KHDRBS2: variants seen among roughly 807,000 people sequenced by gnomAD.
KHDRBS2 encodes the protein KH RNA binding domain containing, signal transduction associated 2, also known as KH domain-containing, RNA-binding, signal transduction-associated protein 2.
KHDRBS2 carries 26 observed loss-of-function variants against 44.3 expected under a neutral mutation model. The observed-to-expected ratio is 0.59, with a 90% CI of 0.43 to 0.81. KHDRBS2 has a LOEUF of 0.81. Ranked by LOEUF, KHDRBS2 falls within the 40% of genes least tolerant of loss-of-function variation. The probability of loss-of-function intolerance (pLI) is 0.00; values close to 1 mark genes in which losing one functional copy is unlikely to be tolerated. For synonymous variants in KHDRBS2, 194 were observed against 151.1 expected (o/e 1.28, Z -2.08); for missense variants, 476 against 433.1 (o/e 1.10, Z -0.88).
intron 8 of KHDRBS2, among the ~76,000 whole-genome samples, chr6:61,691,720 A>G (rs551087496): frequency 1.3e-4 from 20 of 152,214 alleles, no homozygotes; most frequent in Admixed American, 1.2e-3. Flanking sequence ...GGCTGCCACA[A>G]CTGCCAGTTA....
chr6:61,866,239 G>T (rs550718439), intron 6 of KHDRBS2, among the ~76,000 whole-genome samples: 2 of 152,306 alleles, frequency 1.3e-5, no homozygotes, highest in South Asian at 4.1e-4. Context: ...GGACATTCAG[G>T]AGTTTCCATA....
At chr6:61,826,984 CA>C (rs973195456) in intron 6 of KHDRBS2, among the ~76,000 whole-genome samples, 1 of 152,060 alleles carries the variant, frequency 6.6e-6, no homozygotes, top group African/African-American at 2.4e-5. Context: ...ATAATTTTAG[CA>C]AGGAAATAAT....
intron 4 of KHDRBS2, among the ~76,000 whole-genome samples, chr6:61,972,247 A>G (rs1771586316): frequency 6.6e-6 from 1 of 152,090 alleles, no homozygotes; most frequent in Non-Finnish European, 1.5e-5. Flanking sequence ...CTGGATTTCA[A>G]TAATAATAAT....
chr6:61,739,956 C>A (rs563355439), intron 6 of KHDRBS2, among the ~76,000 whole-genome samples: 1 of 151,838 alleles, frequency 6.6e-6, no homozygotes, highest in African/African-American at 2.4e-5. Context: ...TTAATAATGA[C>A]TGTGTTTAAC....
chr6:61,799,044 G>A (rs1785832398), intron 6 of KHDRBS2, among the ~76,000 whole-genome samples: 1 of 151,968 alleles, frequency 6.6e-6, no homozygotes, highest in Non-Finnish European at 1.5e-5. Context: ...TGGACTTGAA[G>A]CATCTTCCAT....
chr6:61,908,402 A>G (rs1805421419), intron 4 of KHDRBS2, among the ~76,000 whole-genome samples: 1 of 152,088 alleles, frequency 6.6e-6, no homozygotes, highest in Admixed American at 6.5e-5. Flanking sequence ...TGGGAGGCCG[A>G]GGCGGGCAGA....
the KHDRBS2 span, among the ~76,000 whole-genome samples, chr6:61,647,396 G>A: frequency 2.6e-5 from 4 of 151,946 alleles, no homozygotes; most frequent in Non-Finnish European, 4.4e-5. Flanking sequence ...AAGAAACATG[G>A]TGTTTATGTA....
chr6:61,799,182 A>C (rs977385493), intron 6 of KHDRBS2, among the ~76,000 whole-genome samples: 1 of 152,070 alleles, frequency 6.6e-6, no homozygotes, highest in African/African-American at 2.4e-5. Flanking sequence ...TAAAAAACAA[A>C]AAAAGCATTA....
chr6:62,227,437 G>A (rs1219852174), intron 1 of KHDRBS2, among the ~76,000 whole-genome samples: 1 of 152,120 alleles, frequency 6.6e-6, no homozygotes, highest in Non-Finnish European at 1.5e-5. Flanking sequence ...AGACGATGGG[G>A]TTTTCTAAAT....
At chr6:61,769,616 G>A (rs1221687800) in intron 6 of KHDRBS2, among the ~76,000 whole-genome samples, 1 of 137,944 alleles carries the variant, frequency 7.2e-6, no homozygotes, top group Admixed American at 7.2e-5. Context: ...CTGCAAGGCG[G>A]CAGCGAGGCT....
the KHDRBS2 span, among the ~76,000 whole-genome samples, chr6:61,548,827 C>T: frequency 2.0e-5 from 3 of 152,060 alleles, no homozygotes; most frequent in African/African-American, 7.2e-5. Context: ...AATCATTGGC[C>T]ATTAATATCA....
At chr6:62,183,190 A>C (rs1376383673) in intron 1 of KHDRBS2, among the ~76,000 whole-genome samples, 3 of 151,744 alleles carry the variant, frequency 2.0e-5, no homozygotes, top group Non-Finnish European at 4.4e-5. Context: ...TCTTTTTATG[A>C]TTGGCACATT....
intron 7 of KHDRBS2, among the ~76,000 whole-genome samples, chr6:61,714,197 TAAC>T (rs1771005073): frequency 1.3e-5 from 2 of 151,016 alleles, no homozygotes; most frequent in African/African-American, 2.4e-5. Context: ...CAACTCAACA[TAAC>T]AACAACAAAA....
chr6:61,742,103 T>A (rs1776217806), intron 6 of KHDRBS2, among the ~76,000 whole-genome samples: 1 of 151,968 alleles, frequency 6.6e-6, no homozygotes, highest in Non-Finnish European at 1.5e-5. Flanking sequence ...AGGGTCAAGA[T>A]AATAAATTGT....
chr6:62,278,969 C>T (rs1216909924), intron 1 of KHDRBS2, among the ~76,000 whole-genome samples: 1 of 152,140 alleles, frequency 6.6e-6, no homozygotes, highest in Non-Finnish European at 1.5e-5. Context: ...TGGCGGGTGC[C>T]TGTAGTCCCA....
At chr6:62,133,398 T>A in intron 2 of KHDRBS2, among the ~76,000 whole-genome samples, 1 of 152,320 alleles carries the variant, frequency 6.6e-6, no homozygotes, top group Non-Finnish European at 1.5e-5. Flanking sequence ...CCTGCTGTCA[T>A]GTAAAATGTG....
At chr6:61,630,940 G>T in the KHDRBS2 span, among the ~76,000 whole-genome samples, 1 of 152,112 alleles carries the variant, frequency 6.6e-6, no homozygotes, top group African/African-American at 2.4e-5. Context: ...TGAGAGGCAG[G>T]ATTGCTTTGG....
At chr6:61,796,190 G>T (rs1252058176) in intron 6 of KHDRBS2, among the ~76,000 whole-genome samples, 1 of 151,830 alleles carries the variant, frequency 6.6e-6, no homozygotes, top group Non-Finnish European at 1.5e-5. Context: ...TCATGATTTG[G>T]CTTCATTATT....
At chr6:61,784,361 T>C (rs1783464099) in intron 6 of KHDRBS2, among the ~76,000 whole-genome samples, 1 of 151,758 alleles carries the variant, frequency 6.6e-6, no homozygotes, top group African/African-American at 2.4e-5. Context: ...ACTTTGTAAT[T>C]CAATAATTAT....
Sources: gnomAD v4.1 joint callset for allele counts (sites outside exome capture counted in the v4.1 genomes callset) on GRCh38, gnomAD v4.1.1 for gene constraint, MANE v1.5 for transcripts, NCBI Gene and HGNC (gene_info 2026-07-23, HGNC 2026-07-21) for gene names.